Variants in DLGAP2 observed in about 807,000 individuals in gnomAD.
DLGAP2 encodes DLG associated protein 2.
In DLGAP2, 26 loss-of-function variants were observed where a neutral mutation model predicts 100.3. The observed-to-expected ratio is 0.26, with a 90% CI of 0.19 to 0.36. DLGAP2 has a LOEUF of 0.36. DLGAP2 is among the 10% of genes least tolerant of loss of function. The pLI is 1.00. For missense variants in DLGAP2, 1,858 were observed against 1,453.2 expected (o/e 1.28, Z -4.53); for synonymous variants, 886 against 630.1 (o/e 1.41, Z -6.08).
intron 6 of DLGAP2, among the ~76,000 whole-genome samples, chr8:1,578,049 G>A (rs1327488772): frequency 6.6e-6 from 1 of 152,202 alleles, no homozygotes; most frequent in Non-Finnish European, 1.5e-5. Context: ...AACAAAATTG[G>A]TGATTCTATA....
chr8:1,291,585 A>G (rs1224729647), intron 3 of DLGAP2, among the ~76,000 whole-genome samples: 3 of 152,182 alleles, frequency 2.0e-5, no homozygotes, highest in African/African-American at 4.8e-5. Flanking sequence ...ATTCTGGGGA[A>G]GCCCCTGCCT....
chr8:1,445,619 T>C (rs1392913307), intron 3 of DLGAP2, among the ~76,000 whole-genome samples: 3 of 152,226 alleles, frequency 2.0e-5, no homozygotes, highest in Non-Finnish European at 2.9e-5. Context: ...ATGGGATGGC[T>C]GGGTCAAATG....
chr8:838,368 T>C (rs952921746), intron 1 of DLGAP2, among the ~76,000 whole-genome samples: 1 of 152,030 alleles, frequency 6.6e-6, no homozygotes, highest in Admixed American at 6.6e-5. Flanking sequence ...TGTTCTGGGA[T>C]GTGGTCTTGG....
At chr8:1,104,008 C>A (rs535104191) in intron 2 of DLGAP2, among the ~76,000 whole-genome samples, 1 of 152,344 alleles carries the variant, frequency 6.6e-6, no homozygotes, top group South Asian at 2.1e-4. Flanking sequence ...GGTGGCATCA[C>A]AAGAACACAA....
intron 1 of DLGAP2, among the ~76,000 whole-genome samples, chr8:763,743 G>C (rs1203683084): frequency 6.6e-6 from 1 of 152,116 alleles, no homozygotes; most frequent in Non-Finnish European, 1.5e-5. Context: ...CTGAGTGCAA[G>C]GCACTGAACA....
chr8:1,445,517 C>G (rs566562212), intron 3 of DLGAP2, among the ~76,000 whole-genome samples: 2 of 152,064 alleles, frequency 1.3e-5, no homozygotes, highest in Admixed American at 6.5e-5. Context: ...GGTTCCAAGT[C>G]TTTGCTATTG....
chr8:1,423,470 C>G (rs938520727), intron 3 of DLGAP2, among the ~76,000 whole-genome samples: 1 of 152,240 alleles, frequency 6.6e-6, no homozygotes, highest in Admixed American at 6.5e-5. Flanking sequence ...CCTGCCATCT[C>G]CATACCGCTC....
intron 2 of DLGAP2, among the ~76,000 whole-genome samples, chr8:1,049,207 C>T (rs751585166): frequency 6.6e-5 from 10 of 152,006 alleles, no homozygotes; most frequent in Non-Finnish European, 1.2e-4. Context: ...TCTCGAGTTA[C>T]GGGGGAAAAT....
rs200574222 is a variant in DLGAP2, at chr8:837,890, TTTG to T, written c.19-70019_19-70017del. On this transcript the variant is annotated intron_variant, in intron 1 of 14. Transcript: ENST00000637795. ...CATCACCACGCCCGGCTAGTTGTTT[TTTG>T]TTTTTTTTTTTTTCTTTTTTAAGTA... Among the ~76,000 whole-genome samples, 1,190 of 133,000 alleles carry T rather than the reference TTTG, an allele frequency of 8.9e-3. 26 individuals are homozygous for T. Among genetic ancestry groups the T allele is most frequent in the African/African-American group, 0.029 (1,113 of 38,274 alleles). The allele number at this position is 133,000 out of a possible 152,430, so 87.3% of individuals were successfully genotyped here.
At chr8:1,130,841 C>T (rs1274268899) in intron 2 of DLGAP2, among the ~76,000 whole-genome samples, 2 of 140,482 alleles carry the variant, frequency 1.4e-5, no homozygotes, top group African/African-American at 2.5e-5. Flanking sequence ...ATGGGCCTCC[C>T]TGATGAGGGG....
At chr8:1,443,197 T>C (rs1431168415) in intron 3 of DLGAP2, among the ~76,000 whole-genome samples, 6 of 152,138 alleles carry the variant, frequency 3.9e-5, no homozygotes, top group African/African-American at 1.2e-4. Flanking sequence ...TGAAAAGATA[T>C]TGACATATAA....
At position 742,358 on chromosome 8, in the gene DLGAP2, A is replaced by G. The variant is rs943455192; in HGVS notation, c.18+4533A>G. Among the ~76,000 whole-genome samples, 7 of 152,366 alleles carry G rather than the reference A, an allele frequency of 4.6e-5. No individual in the cohort carries two copies. The East Asian group carries it at 1.2e-3, about 25-fold the overall frequency. On this transcript the variant is annotated intron_variant, in intron 1 of 14. Coordinates refer to ENST00000637795, the MANE Select transcript of DLGAP2 (RefSeq NM_001346810.2). ...TTAAAGTAACCTGTGAATCTGACTG[A>G]TCGTTGTCTTTAAAATGTTTCATAC...
intron 3 of DLGAP2, among the ~76,000 whole-genome samples, chr8:1,288,110 T>G (rs1799981681): frequency 2.1e-5 from 3 of 140,594 alleles, no homozygotes; most frequent in Non-Finnish European, 4.6e-5. Flanking sequence ...CGTGTGTGGT[T>G]CTGTTAGGAG....
chr8:1,429,799 G>GA (rs1797358246), intron 3 of DLGAP2, among the ~76,000 whole-genome samples: 2 of 151,234 alleles, frequency 1.3e-5, no homozygotes, highest in South Asian at 4.2e-4. Flanking sequence ...CACTGAGGCA[G>GA]AAAAGCAGGG....
chr8:846,270 C>T (rs1484921537), intron 1 of DLGAP2, among the ~76,000 whole-genome samples: 3 of 152,134 alleles, frequency 2.0e-5, no homozygotes, highest in Non-Finnish European at 4.4e-5. Flanking sequence ...TGCTATTGAC[C>T]TTCCTTTTGC....
intron 2 of DLGAP2, among the ~76,000 whole-genome samples, chr8:1,112,917 C>T (rs1340817294): frequency 6.6e-6 from 1 of 151,944 alleles, no homozygotes; most frequent in Non-Finnish European, 1.5e-5. Flanking sequence ...CAATCTTCTA[C>T]GTATGACTAG....
chr8:1,374,989 G>T (rs991411645), intron 3 of DLGAP2, among the ~76,000 whole-genome samples: 1 of 151,588 alleles, frequency 6.6e-6, no homozygotes. Flanking sequence ...CACAGCCGGG[G>T]CGCTGTCCTC....
At chr8:920,617 G>A (rs1798694107) in intron 2 of DLGAP2, among the ~76,000 whole-genome samples, 1 of 151,986 alleles carries the variant, frequency 6.6e-6, no homozygotes, top group Admixed American at 6.6e-5. Context: ...CAGGTGTGGT[G>A]GTGCCCGCCT....
chr8:1,387,405 C>T (rs1206667473), intron 3 of DLGAP2, among the ~76,000 whole-genome samples: 1 of 152,178 alleles, frequency 6.6e-6, no homozygotes, highest in Non-Finnish European at 1.5e-5. Flanking sequence ...CACGGGGCTG[C>T]AGAGAAGGCT....
Sources: allele counts gnomAD v4.1 joint callset (sites outside exome capture counted in the v4.1 genomes callset), GRCh38; gene constraint gnomAD v4.1.1; transcripts MANE v1.5; gene names NCBI Gene and HGNC (gene_info 2026-07-23, HGNC 2026-07-21).